Variants in SMC6 observed in about 807,000 individuals in gnomAD.
SMC6 encodes structural maintenance of chromosomes 6.
Under a neutral mutation model 142.2 loss-of-function variants are expected in SMC6, and 79 were observed. That is an observed-to-expected ratio of 0.56 (90% CI 0.46 to 0.67). The LOEUF (loss-of-function observed/expected upper bound fraction) is 0.67. Ranked by LOEUF, SMC6 falls within the 30% of genes least tolerant of loss-of-function variation. SMC6 has a pLI of 0.00. For synonymous variants in SMC6, 411 were observed against 412.4 expected (o/e 1.00, Z 0.04); for missense variants, 1,072 against 1,284.0 (o/e 0.83, Z 2.52).
chr2:17,749,347 G>C (rs942048030), intron 2 of SMC6, among the ~76,000 whole-genome samples: 4 of 151,946 alleles, frequency 2.6e-5, no homozygotes, highest in African/African-American at 9.7e-5. Flanking sequence ...TCCCTTACAG[G>C]ATACAAGCAG....
intron 5 of SMC6, among the ~76,000 whole-genome samples, chr2:17,735,101 T>C (rs913614350): frequency 2.0e-5 from 3 of 151,688 alleles, no homozygotes; most frequent in African/African-American, 7.3e-5. Flanking sequence ...AAAAGCCTCA[T>C]AATTACTGCT....
intron 23 of SMC6, 113 bp from the exon 24 acceptor site, chr2:17,683,876 G>T (rs1281302658): frequency 1.1e-6 from 1 of 916,714 alleles, no homozygotes; most frequent in Non-Finnish European, 1.7e-6. Context: ...GAGTACTAAG[G>T]GGGCCTAGTA....
chr2:17,709,331 C>T (rs1488763871), intron 16 of SMC6, among the ~76,000 whole-genome samples: 1 of 152,010 alleles, frequency 6.6e-6, no homozygotes, highest in African/African-American at 2.4e-5. Context: ...AAGTTTATTA[C>T]CAACACAGAG....
At chr2:17,715,124 T>C in intron 15 of SMC6, 59 bp from the exon 16 acceptor site, 3 of 1,409,358 alleles carry the variant, frequency 2.1e-6, no homozygotes, top group Non-Finnish European at 2.9e-6. Context: ...AATATTAACA[T>C]CCTCCTCTTT....
chr2:17,706,861 T>A (rs1286451729), intron 18 of SMC6, among the ~76,000 whole-genome samples: 4 of 152,144 alleles, frequency 2.6e-5, no homozygotes, highest in African/African-American at 7.2e-5. Context: ...TGTAAACCAG[T>A]CTGCTGTATC....
At chr2:17,702,809 C>T (rs868327044) in intron 19 of SMC6, among the ~76,000 whole-genome samples, 2 of 152,128 alleles carry the variant, frequency 1.3e-5, no homozygotes, top group African/African-American at 4.8e-5. Flanking sequence ...GTAAGATGTG[C>T]CTTTTGCCTT....
intron 23 of SMC6, among the ~76,000 whole-genome samples, chr2:17,690,894 T>C (rs913423664): frequency 1.3e-5 from 2 of 151,558 alleles, no homozygotes; most frequent in Non-Finnish European, 2.9e-5. Context: ...ACATCGCTAA[T>C]GGGAATGCAA....
intron 16 of SMC6, among the ~76,000 whole-genome samples, chr2:17,710,100 T>C (rs923162757): frequency 2.0e-5 from 3 of 152,220 alleles, no homozygotes; most frequent in Admixed American, 1.3e-4. Flanking sequence ...GCTGCTGTAC[T>C]GAGACTGTGG....
intron 2 of SMC6, among the ~76,000 whole-genome samples, chr2:17,750,190 T>A (rs765875786): frequency 2.0e-5 from 3 of 152,126 alleles, no homozygotes; most frequent in Non-Finnish European, 4.4e-5. Context: ...TGGCTCAATA[T>A]AGAAGATAGA....
chr2:17,679,103 G>A, intron 24 of SMC6, 139 bp from the exon 25 acceptor site: 1 of 546,350 alleles, frequency 1.8e-6, no homozygotes, highest in East Asian at 3.1e-5. Context: ...TAATAGTTGA[G>A]TTTTAGGTAG....
At position 17,694,411 on chromosome 2, in the gene SMC6, G is replaced by A. The variant is rs368174619; in HGVS notation, c.2678+741C>T. 8.5e-5 allele frequency among the ~76,000 whole-genome samples: 13 copies of A among 152,256 alleles called. No homozygotes were observed. In the East Asian group the frequency reaches 1.9e-3, roughly 23 times the overall value. On this transcript the variant is annotated intron_variant, in intron 23 of 27. Coordinates refer to ENST00000448223, the MANE Select transcript of SMC6 (RefSeq NM_001142286.2). ...TACTCTGATTTGATCATTACACATC[G>A]TATGTATGTATCAAAATGCCATATG...
At position 17,683,666 on chromosome 2, in the gene SMC6, T is replaced by C; in HGVS notation, c.2776A>G (p.Arg926Gly). 3.1e-6 allele frequency: 5 copies of C among 1,612,136 alleles called. No individual in the cohort carries two copies. The highest frequency in any genetic ancestry group is 4.2e-6 in the Non-Finnish European group (5 of 1,178,448). ...IKLLGEIMEH[R>G]FKTYQQFRRC... is the part of the protein sequence containing the mutation. ...CTAAATTGTTGATATGTCTTGAATC[T>C]GTGCTCCATGATTTCTCCCAGTAAT... is the stretch of plus-strand genomic sequence containing the variant. Residue 926 changes from arginine to glycine, a missense_variant, in exon 24 of 28, where the codon AGA becomes GGA. Coordinates refer to ENST00000448223, the MANE Select transcript of SMC6 (RefSeq NM_001142286.2).
chr2:17,751,633 G>T (rs951949591), intron 2 of SMC6, among the ~76,000 whole-genome samples: 2 of 152,156 alleles, frequency 1.3e-5, no homozygotes, highest in Non-Finnish European at 2.9e-5. Flanking sequence ...TTTGAATTTG[G>T]TGACCAAGAA....
intron 16 of SMC6, chr2:17,713,622 C>A: frequency 2.3e-6 from 1 of 432,414 alleles, no homozygotes; most frequent in South Asian, 1.7e-5. Context: ...TTCCTCACAA[C>A]TGATGGCATC....
At chr2:17,700,045 ATTGATCTAATGATGAAAG>A (rs1387875204) in intron 21 of SMC6, among the ~76,000 whole-genome samples, 145 bp downstream of exon 21, 2 of 152,206 alleles carry the variant, frequency 1.3e-5, no homozygotes, top group African/African-American at 4.8e-5. Context: ...TTTAATACTA[ATTGATCTAATGATGAAAG>A]TTTGGTTCCC....
At chr2:17,708,598 TAAC>T in intron 17 of SMC6, 38 bp downstream of exon 17, 1 of 1,096,736 alleles carries the variant, frequency 9.1e-7, no homozygotes. Flanking sequence ...TTTAAAAATT[TAAC>T]AATAACATCA....
intron 15 of SMC6, 46 bp downstream of exon 15, chr2:17,716,040 C>T (rs2124996358): frequency 7.3e-7 from 1 of 1,372,984 alleles, no homozygotes; most frequent in South Asian, 2.0e-5. Context: ...AAAATAAAAA[C>T]TTATTTCTAA....
At chr2:17,751,373 C>T (rs999962645) in intron 2 of SMC6, among the ~76,000 whole-genome samples, 1 of 149,846 alleles carries the variant, frequency 6.7e-6, no homozygotes, top group Non-Finnish European at 1.5e-5. Context: ...CCAGCTACTC[C>T]GGAGGCTGAG....
At chr2:17,721,088 A>C in intron 10 of SMC6, 50 bp from the exon 11 acceptor site, 2 of 1,612,320 alleles carry the variant, frequency 1.2e-6, no homozygotes, top group Non-Finnish European at 1.7e-6. Flanking sequence ...ATAATAACCA[A>C]ATACATTCTG....
Sources: allele counts gnomAD v4.1 joint callset (sites outside exome capture counted in the v4.1 genomes callset), GRCh38; gene constraint gnomAD v4.1.1; transcripts MANE v1.5; gene names NCBI Gene and HGNC (gene_info 2026-07-23, HGNC 2026-07-21).